LRRC3: variants seen among roughly 807,000 people sequenced by gnomAD.
LRRC3 encodes the protein leucine rich repeat containing 3, also known as leucine-rich repeat-containing protein 3.
For missense variants in LRRC3, 351 were observed against 361.6 expected (o/e 0.97, Z 0.24); for synonymous variants, 172 against 164.1 (o/e 1.05, Z -0.37).
rs2051732804 is a variant in LRRC3, at chr21:44,459,904, G to C, written c.*2486G>C. 6.6e-6 allele frequency: 1 copy of C among 152,188 alleles called. No individual in the cohort carries two copies. The highest frequency in any genetic ancestry group is 1.5e-5 in the Non-Finnish European group (1 of 68,100). The allele number at this position is 152,188 out of a possible 1,614,324, so 9.4% of individuals were successfully genotyped here. A position where few individuals can be genotyped will look rare whatever the true frequency, so the allele number is the denominator to read the frequency against. On this transcript the variant is annotated 3_prime_UTR_variant, in exon 2 of 2. Transcript: ENST00000291592. ...GGGAGAGGACCAGGAGGACACCGGA[G>C]GCCCTGTCCCCTGCACTGTGAGCTC...
Position 44,457,728 on chromosome 21 carries a change from A to C in LRRC3, c.*310A>C. 2 of 393,662 alleles carry C rather than the reference A, an allele frequency of 5.1e-6. No individual in the cohort carries two copies. Among genetic ancestry groups the C allele is most frequent in the Non-Finnish European group, 4.8e-6 (1 of 207,008 alleles). 24.4% of individuals were successfully genotyped at this position (393,662 alleles called of 1,614,324 possible). A position where few individuals can be genotyped will look rare whatever the true frequency, so the allele number is the denominator to read the frequency against. ...TCCTTCCACCATGCCAGCCTCTCCC[A>C]CACGGGGCCCTGCAGGCTGTGGATA... is the stretch of plus-strand genomic sequence containing the variant. On this transcript the variant is annotated 3_prime_UTR_variant, in exon 2 of 2. Coordinates refer to ENST00000291592, the MANE Select transcript of LRRC3 (RefSeq NM_030891.6).
Position 44,461,730 on chromosome 21 carries a change from C to T in LRRC3, c.*4312C>T, listed in dbSNP as rs1160709602. The T allele has an allele frequency of 6.6e-6, 1 of 152,300 alleles. No homozygotes were observed. Among genetic ancestry groups the T allele is most frequent in the Non-Finnish European group, 1.5e-5 (1 of 68,086 alleles). The allele number at this position is 152,300 out of a possible 1,614,324, so 9.4% of individuals were successfully genotyped here. ...ACAGGGTCTGGAGTGGGGCTGCCGTCTTGGGCAGCTCCTCCCGGGTGTCTG... is the reference window on the plus strand; with the variant it reads ...ACAGGGTCTGGAGTGGGGCTGCCGTTTTGGGCAGCTCCTCCCGGGTGTCTG... On this transcript the variant is annotated 3_prime_UTR_variant, in exon 2 of 2. Transcript: ENST00000291592.
At position 44,458,148 on chromosome 21, in the gene LRRC3, ACAG is replaced by A. The variant is rs1372923796; in HGVS notation, c.*735_*737del. 6.2e-6 allele frequency: 1 copy of A among 161,766 alleles called. No homozygotes were observed. The highest frequency in any genetic ancestry group is 1.9e-4 in the East Asian group (1 of 5,194). The allele number at this position is 161,766 out of a possible 1,614,324, so 10.0% of individuals were successfully genotyped here. On this transcript the variant is annotated 3_prime_UTR_variant, in exon 2 of 2. Coordinates refer to ENST00000291592, the MANE Select transcript of LRRC3 (RefSeq NM_030891.6). ...TCCAGGGTAGCTTGCCCAGGGGAAG[ACAG>A]CAGCCACATACCTGGGGGCCCGCCT...
chr21:44,459,440 C>T lies in LRRC3; in HGVS notation c.*2022C>T, dbSNP rs558329709. 9.8e-5 allele frequency: 15 copies of T among 152,388 alleles called. No individual in the cohort carries two copies. Among genetic ancestry groups the T allele is most frequent in the African/African-American group, 3.4e-4 (14 of 41,572 alleles). 9.4% of individuals were successfully genotyped at this position (152,388 alleles called of 1,614,324 possible). A position where few individuals can be genotyped will look rare whatever the true frequency, so the allele number is the denominator to read the frequency against. ...GATAGATGCAGGTAGGGCAGGTGAA[C>T]TGTTGCTGGCCTGGCCAGCAGGCCT... is the stretch of plus-strand genomic sequence containing the variant. On this transcript the variant is annotated 3_prime_UTR_variant, in exon 2 of 2. Transcript: ENST00000291592.
At position 44,457,418 on chromosome 21, in the gene LRRC3, G is replaced by T. The variant is rs2051715527; in HGVS notation, c.774G>T (p.Ter258TyrextTer19). 4 of 1,568,466 alleles carry T rather than the reference G, an allele frequency of 2.6e-6. No homozygotes were observed. Among genetic ancestry groups the T allele is most frequent in the Non-Finnish European group, 3.5e-6 (4 of 1,152,748 alleles). Residue 258 changes from the stop codon to tyrosine (Y), a stop_lost, in exon 2 of 2, where the codon TAG becomes TAT. Coordinates refer to ENST00000291592, the MANE Select transcript of LRRC3 (RefSeq NM_030891.6). Reference protein sequence around the residue: ...ASKDPIGPGP* With the variant: ...ASKDPIGPGPY ...AGGACCCCATCGGCCCGGGGCCCTA[G>T]CGCCTGTTCCGGCAGACCCCCGCCG...
In LRRC3 at chr21:44,456,776, G is replaced by A. The variant is rs756890241; in HGVS notation, c.132G>A (p.Gly44=). 2.5e-6 allele frequency: 4 copies of A among 1,610,964 alleles called. No homozygotes were observed. The highest frequency in any genetic ancestry group is 2.7e-5 in the African/African-American group (2 of 74,938). ...CCTGCCGGTGCCCTGACCACGCAGG[G>A]GCTGTGGCTGTCTTCTGCAGCTTGC... ...PQPCRCPDHA[G]AVAVFCSLRG... The change falls in exon 2 of 2, where the codon GGG becomes GGA. Residue 44 remains glycine, a synonymous_variant. Coordinates refer to ENST00000291592, the MANE Select transcript of LRRC3 (RefSeq NM_030891.6).
rs956887670 is a variant in LRRC3 at position 44,461,427 on chromosome 21, G to A, written c.*4009G>A. On this transcript the variant is annotated 3_prime_UTR_variant, in exon 2 of 2. Transcript: ENST00000291592. ...AGGGGCTGCTGGCAGGAGGGGAACC[G>A]GGGACCACCTCCCGCCACAGAGCCT... 3 of 152,452 alleles carry A rather than the reference G, an allele frequency of 2.0e-5. No homozygotes were observed. The highest frequency in any genetic ancestry group is 6.5e-5 in the Admixed American group (1 of 15,278). The allele number at this position is 152,452 out of a possible 1,614,324, so 9.4% of individuals were successfully genotyped here.
chr21:44,460,798 C>T lies in LRRC3; in HGVS notation c.*3380C>T, dbSNP rs1211517202. Reference sequence around the variant, plus strand: ...AAACCATCCCCCACCCTAACCCAATCCTCGCCCTAACCCTAATGCTAACCC... The same window carrying T: ...AAACCATCCCCCACCCTAACCCAATTCTCGCCCTAACCCTAATGCTAACCC... On this transcript the variant is annotated 3_prime_UTR_variant, in exon 2 of 2. Transcript: ENST00000291592. 1.3e-5 allele frequency: 2 copies of T among 152,316 alleles called. No homozygotes were observed. The highest frequency in any genetic ancestry group is 1.3e-4 in the Admixed American group (2 of 15,282). 9.4% of individuals were successfully genotyped at this position (152,316 alleles called of 1,614,324 possible).
Position 44,457,546 on chromosome 21 carries a change from C to T in LRRC3, c.*128C>T. The T allele has an allele frequency of 9.4e-7, 1 of 1,067,808 alleles. No homozygotes were observed. The highest frequency in any genetic ancestry group is 1.3e-6 in the Non-Finnish European group (1 of 753,064). The allele number at this position is 1,067,808 out of a possible 1,614,324, so 66.1% of individuals were successfully genotyped here. A position where few individuals can be genotyped will look rare whatever the true frequency, so the allele number is the denominator to read the frequency against. On this transcript the variant is annotated 3_prime_UTR_variant, in exon 2 of 2. Coordinates refer to ENST00000291592, the MANE Select transcript of LRRC3 (RefSeq NM_030891.6). ...TGTGCTCCCCACTGTTGCACTCAGG[C>T]ACAGCAGCACCTCCAGGCTGGGTGG...
rs769747104 is a variant in LRRC3 at position 44,456,721 on chromosome 21, G to C, written c.77G>C (p.Cys26Ser). 6.2e-7 allele frequency: 1 copy of C among 1,609,524 alleles called. No homozygotes were observed. Among genetic ancestry groups the C allele is most frequent in the Non-Finnish European group, 8.5e-7 (1 of 1,179,834 alleles). Residue 26 changes from cysteine (C) to serine (S), a missense_variant, in exon 2 of 2, where the codon TGC (cysteine) becomes TCC (serine). Physicochemically the swap from Cys to Ser is moderately radical, Grantham distance 112. Transcript: ENST00000291592. The part of the protein sequence containing the change: ...TRESCLFLLF[C>S]LHLGAACPQP... ...GAGTCTTGTCTCTTCCTCCTCTTCT[G>C]CCTGCACCTGGGCGCCGCCTGCCCA...
At position 44,457,622 on chromosome 21, in the gene LRRC3, G is replaced by A. The variant is rs769644671; in HGVS notation, c.*204G>A. Reference sequence around the variant, plus strand: ...TGAGGAACCTGAAGCTTAGAGGAACGGAATGACTGCCCGTGACGATACCAT... The same window carrying A: ...TGAGGAACCTGAAGCTTAGAGGAACAGAATGACTGCCCGTGACGATACCAT... On this transcript the variant is annotated 3_prime_UTR_variant, in exon 2 of 2. Transcript: ENST00000291592. 1.0e-5 allele frequency: 6 copies of A among 597,606 alleles called. No homozygotes were observed. Among genetic ancestry groups the A allele is most frequent in the Non-Finnish European group, 1.8e-5 (6 of 336,198 alleles). 37.0% of individuals were successfully genotyped at this position (597,606 alleles called of 1,614,324 possible).
rs1286273244 is a variant in LRRC3 at position 44,461,553 on chromosome 21, G to A, written c.*4135G>A. 1 of 152,320 alleles carries A rather than the reference G, an allele frequency of 6.6e-6. No individual in the cohort carries two copies. Among genetic ancestry groups the A allele is most frequent in the Admixed American group, 6.5e-5 (1 of 15,294 alleles). The allele number at this position is 152,320 out of a possible 1,614,324, so 9.4% of individuals were successfully genotyped here. A position where few individuals can be genotyped will look rare whatever the true frequency, so the allele number is the denominator to read the frequency against. On this transcript the variant is annotated 3_prime_UTR_variant, in exon 2 of 2. Transcript: ENST00000291592. ...TGTGTTTCATAACCAAAGCAGCCAGGAATCTCCGGCTCTGCCCAGTGATCA... is the reference window on the plus strand; with the variant it reads ...TGTGTTTCATAACCAAAGCAGCCAGAAATCTCCGGCTCTGCCCAGTGATCA...
chr21:44,456,622 C>A lies in LRRC3; in HGVS notation c.-23C>A. 2 of 1,557,220 alleles carry A rather than the reference C, an allele frequency of 1.3e-6. No individual in the cohort carries two copies. The highest frequency in any genetic ancestry group is 1.7e-6 in the Non-Finnish European group (2 of 1,151,352). On this transcript the variant is annotated 5_prime_UTR_variant, in exon 2 of 2. Transcript: ENST00000291592. Reference sequence around the variant, plus strand: ...CAGGCCCTAGCAGAGGCTCGCGTGTCCCCGTCCCCAGGTCAGGTCAGGATG... The same window carrying A: ...CAGGCCCTAGCAGAGGCTCGCGTGTACCCGTCCCCAGGTCAGGTCAGGATG...
In LRRC3 at chr21:44,457,304, C is replaced by A; in HGVS notation, c.660C>A (p.Ala220=). ...TMFGWFAMVI[A]YVVYYVRHNQ... ...TCGGCTGGTTCGCCATGGTGATCGC[C>A]TACGTCGTGTACTATGTGCGCCACA... Residue 220 remains alanine, a synonymous_variant, in exon 2 of 2, where the codon GCC becomes GCA. Transcript: ENST00000291592. 6.2e-7 allele frequency: 1 copy of A among 1,613,772 alleles called. No individual in the cohort carries two copies. Among genetic ancestry groups the A allele is most frequent in the Non-Finnish European group, 8.5e-7 (1 of 1,180,024 alleles).
chr21:44,457,465 G>A lies in LRRC3; in HGVS notation c.*47G>A, dbSNP rs761171347. 3.3e-6 allele frequency: 5 copies of A among 1,532,706 alleles called. No homozygotes were observed. In the East Asian group the frequency reaches 9.1e-5, roughly 28 times the overall value. 94.9% of individuals were successfully genotyped at this position (1,532,706 alleles called of 1,614,324 possible). A position where few individuals can be genotyped will look rare whatever the true frequency, so the allele number is the denominator to read the frequency against. On this transcript the variant is annotated 3_prime_UTR_variant, in exon 2 of 2. Transcript: ENST00000291592. ...GCCGGTGGCTGCTGTCACTTTTGTAGTAGGTGGTGACTGATGCTGCTTTTG... is the reference window on the plus strand; with the variant it reads ...GCCGGTGGCTGCTGTCACTTTTGTAATAGGTGGTGACTGATGCTGCTTTTG...
rs1188399199 is a variant in LRRC3 at position 44,462,126 on chromosome 21, T to C, written c.*4708T>C. ...CGGGCCATGCTGCTGGCCCAGCCTG[T>C]GCCGGTGTCTGTTTCTGTTGTCTCT... On this transcript the variant is annotated 3_prime_UTR_variant, in exon 2 of 2. Transcript: ENST00000291592. The surrounding 1 kb of genome is among the most constrained non-coding windows in gnomAD (Gnocchi z 4.2). 1.3e-5 allele frequency: 2 copies of C among 152,342 alleles called. No individual in the cohort carries two copies. The highest frequency in any genetic ancestry group is 2.9e-5 in the Non-Finnish European group (2 of 68,098). 9.4% of individuals were successfully genotyped at this position (152,342 alleles called of 1,614,324 possible).
chr21:44,461,260 G>C lies in LRRC3; in HGVS notation c.*3842G>C, dbSNP rs555082555. 1 of 152,582 alleles carries C rather than the reference G, an allele frequency of 6.6e-6. No homozygotes were observed. Among genetic ancestry groups the C allele is most frequent in the Non-Finnish European group, 1.5e-5 (1 of 68,330 alleles). The allele number at this position is 152,582 out of a possible 1,614,324, so 9.5% of individuals were successfully genotyped here. ...GGAGCTGGCTGGAGGCTATGGGTGC[G>C]GGGCGTGGGCCTGCCGGGGGTTGCG... On this transcript the variant is annotated 3_prime_UTR_variant, in exon 2 of 2. Transcript: ENST00000291592.
Position 44,456,970 on chromosome 21 carries a change from C to T in LRRC3, c.326C>T (p.Ala109Val), listed in dbSNP as rs746406155. The change falls in exon 2 of 2, where the codon GCG becomes GTG. Residue 109 changes from alanine to valine, a missense_variant. Coordinates refer to ENST00000291592, the MANE Select transcript of LRRC3 (RefSeq NM_030891.6). ...GAGGCCATCGGCTCCGCCACCTTCG[C>T]GGGCCTGGCCGGGGGCCTGCGGCTG... ...AIEAIGSATF[A>V]GLAGGLRLLD... 4.4e-6 allele frequency: 7 copies of T among 1,607,388 alleles called. No homozygotes were observed. Among genetic ancestry groups the T allele is most frequent in the South Asian group, 2.2e-5 (2 of 91,030 alleles).
chr21:44,456,116 GC>G (rs2051697233), intron 1 of LRRC3, among the ~76,000 whole-genome samples: 1 of 152,170 alleles, frequency 6.6e-6, no homozygotes, highest in Admixed American at 6.5e-5. Context: ...AGAAGCTGCA[GC>G]CGTCACCGTC....
Sources: allele counts gnomAD v4.1 joint callset (sites outside exome capture counted in the v4.1 genomes callset), GRCh38; gene constraint gnomAD v4.1.1; non-coding constraint Gnocchi (gnomAD v3.1); transcripts MANE v1.5; gene names NCBI Gene and HGNC (gene_info 2026-07-23, HGNC 2026-07-21).